Variants in SHISA9 observed in about 807,000 individuals in gnomAD.
SHISA9 encodes protein shisa-9.
A neutral mutation model predicts 38.0 loss-of-function variants in SHISA9; 13 were observed. That is an observed-to-expected ratio of 0.34 (90% CI 0.22 to 0.54). The LOEUF (loss-of-function observed/expected upper bound fraction) is 0.54, where lower values mean the gene tolerates loss of function less well. Ranked by LOEUF, SHISA9 falls within the 20% of genes least tolerant of loss-of-function variation. SHISA9 has a pLI of 0.91. For synonymous variants in SHISA9, 275 were observed against 242.0 expected (o/e 1.14, Z -1.27); for missense variants, 538 against 575.8 (o/e 0.93, Z 0.67).
chr16:13,185,236 C>G (rs937460662), intron 2 of SHISA9, among the ~76,000 whole-genome samples: 2 of 152,178 alleles, frequency 1.3e-5, no homozygotes, highest in Non-Finnish European at 2.9e-5. Flanking sequence ...GGGTCTTGCT[C>G]TATCACCCAG....
chr16:13,125,493 C>T (rs1174828931), intron 2 of SHISA9, among the ~76,000 whole-genome samples: 1 of 152,184 alleles, frequency 6.6e-6, no homozygotes, highest in Non-Finnish European at 1.5e-5. Flanking sequence ...ACTTATCTCA[C>T]AGAACCATTG....
intron 2 of SHISA9, among the ~76,000 whole-genome samples, chr16:12,951,316 C>T (rs1038754584): frequency 4.7e-5 from 7 of 149,482 alleles, no homozygotes; most frequent in Non-Finnish European, 7.4e-5. Flanking sequence ...GCTCTCGTTA[C>T]GTTTCCCTTG....
rs147484020 is a variant in SHISA9 at position 13,225,037 on chromosome 16, G to A, written c.896-9993G>A. Among the ~76,000 whole-genome samples, 200 of 152,282 alleles carry A rather than the reference G, an allele frequency of 1.3e-3. 2 individuals carry two copies. The highest frequency in any genetic ancestry group is 4.6e-3 in the African/African-American group (191 of 41,566). On this transcript the variant is annotated intron_variant, in intron 4 of 4. Coordinates refer to ENST00000558583, the MANE Select transcript of SHISA9 (RefSeq NM_001145204.3). The stretch of plus-strand genomic sequence containing the variant: ...TGAGTTGAGGATATATTGAATTAAT[G>A]TGGGCCCTAATCCTGTGGCTGATAT...
intron 4 of SHISA9, among the ~76,000 whole-genome samples, chr16:13,232,418 C>G (rs2051340404): frequency 6.6e-6 from 1 of 152,006 alleles, no homozygotes; most frequent in Admixed American, 6.6e-5. Context: ...GCACATGTAT[C>G]CCAGAACTTA....
At chr16:13,532,548 C>CGTGTGT in the SHISA9 span, among the ~76,000 whole-genome samples, 6 of 80,668 alleles carry the variant, frequency 7.4e-5, no homozygotes, top group Admixed American at 3.7e-4. Flanking sequence ...ATACTATGTG[C>CGTGTGT]GTGTGTGTAT....
At chr16:13,283,730 G>T in the SHISA9 span, among the ~76,000 whole-genome samples, 1 of 151,860 alleles carries the variant, frequency 6.6e-6, no homozygotes, top group Non-Finnish European at 1.5e-5. Context: ...TATCATCTAG[G>T]ATGTGTCTTT....
At chr16:13,509,486 C>A in the SHISA9 span, among the ~76,000 whole-genome samples, 1 of 152,142 alleles carries the variant, frequency 6.6e-6, no homozygotes, top group Non-Finnish European at 1.5e-5. Flanking sequence ...GCCTGCCTCA[C>A]ATAATTGCTG....
chr16:13,235,120 T>G lies in SHISA9; in HGVS notation c.986T>G (p.Val329Gly), dbSNP rs2051369146. 6 of 1,551,356 alleles carry G rather than the reference T, an allele frequency of 3.9e-6. No individual in the cohort carries two copies. The highest frequency in any genetic ancestry group is 5.2e-6 in the Non-Finnish European group (6 of 1,146,932). The change falls in exon 5 of 5, where the codon GTG becomes GGG. Residue 329 changes from valine (V) to glycine (G), a missense_variant. This residue lies in a region of SHISA9 where 326 missense variants were observed against 305.9 expected (regional missense o/e 1.07). Transcript: ENST00000558583. ...KGNLPLHPVR[V>G]EDEPRAFSPE... ...AACTTACCTCTGCACCCCGTAAGAG[T>G]GGAGGACGAGCCCCGGGCCTTCAGC... is the stretch of plus-strand genomic sequence containing the variant.
the SHISA9 span, among the ~76,000 whole-genome samples, chr16:13,555,704 C>T: frequency 6.6e-6 from 1 of 152,102 alleles, no homozygotes; most frequent in South Asian, 2.1e-4. Context: ...GTACTGGCCC[C>T]ACTGAGCTTT....
intron 2 of SHISA9, among the ~76,000 whole-genome samples, chr16:13,022,334 A>AT (rs111818963): frequency 0.082 from 11,993 of 145,804 alleles, 607 homozygotes; most frequent in East Asian, 0.27. Context: ...ACATTAAAAA[A>AT]ATTTTTTTTT....
chr16:13,428,886 C>A, the SHISA9 span, among the ~76,000 whole-genome samples: 1 of 151,930 alleles, frequency 6.6e-6, no homozygotes, highest in African/African-American at 2.4e-5. Flanking sequence ...CTGCCTCAGC[C>A]TCCTGAGTAG....
chr16:12,923,331 C>G (rs976701812), intron 2 of SHISA9, among the ~76,000 whole-genome samples: 1 of 152,176 alleles, frequency 6.6e-6, no homozygotes, highest in African/African-American at 2.4e-5. Flanking sequence ...GAGTTTGAGA[C>G]CAGTCTGGCC....
chr16:13,365,916 A>T, the SHISA9 span, among the ~76,000 whole-genome samples: 1 of 152,216 alleles, frequency 6.6e-6, no homozygotes, highest in South Asian at 2.1e-4. Context: ...GAAAAAAATT[A>T]AGGACAAGAA....
chr16:13,203,853 AT>A (rs1213073241), intron 3 of SHISA9, among the ~76,000 whole-genome samples: 1 of 151,898 alleles, frequency 6.6e-6, no homozygotes, highest in Non-Finnish European at 1.5e-5. Flanking sequence ...TGTATTATCT[AT>A]CTGTCTGTCC....
At chr16:13,432,147 TAGGCTATAATCTCTGATAGGTAAA>T in the SHISA9 span, among the ~76,000 whole-genome samples, 1 of 152,222 alleles carries the variant, frequency 6.6e-6, no homozygotes, top group Non-Finnish European at 1.5e-5. Flanking sequence ...TATGAATTTC[TAGGCTATAATCTCTGATAGGTAAA>T]AAGTCACCCA....
chr16:13,362,552 G>C, the SHISA9 span, among the ~76,000 whole-genome samples: 1 of 152,216 alleles, frequency 6.6e-6, no homozygotes, highest in Admixed American at 6.5e-5. Flanking sequence ...GAAGGATGAA[G>C]CAGGGAGTGG....
chr16:13,097,409 T>A (rs950326071), intron 2 of SHISA9, among the ~76,000 whole-genome samples: 6 of 150,752 alleles, frequency 4.0e-5, no homozygotes, highest in Non-Finnish European at 8.8e-5. Flanking sequence ...CATAGTGGCA[T>A]TGTCTGATCA....
At chr16:13,255,895 C>T in the SHISA9 span, among the ~76,000 whole-genome samples, 1 of 152,182 alleles carries the variant, frequency 6.6e-6, no homozygotes, top group Non-Finnish European at 1.5e-5. Context: ...TTTCTCAGCT[C>T]ACTCTCCATA....
the SHISA9 span, among the ~76,000 whole-genome samples, chr16:13,395,671 G>A: frequency 1.3e-5 from 2 of 152,228 alleles, no homozygotes; most frequent in East Asian, 1.9e-4. Flanking sequence ...GCTCTTGCAA[G>A]GTGGGCTGTT....
Sources: allele counts gnomAD v4.1 joint callset (sites outside exome capture counted in the v4.1 genomes callset), GRCh38; gene constraint gnomAD v4.1.1; regional missense constraint gnomAD v4.1.1; transcripts MANE v1.5; gene names NCBI Gene and HGNC (gene_info 2026-07-23, HGNC 2026-07-21).